Variants in BCOR observed in about 807,000 individuals in gnomAD.
BCOR encodes BCL-6 corepressor.
In BCOR, 10 loss-of-function variants were observed where a neutral mutation model predicts 86.7. The ratio of observed to expected loss-of-function variants is 0.12; its 90% CI spans 0.07 to 0.20. BCOR has a LOEUF of 0.20. Ranked by LOEUF, BCOR falls within the 10% of genes least tolerant of loss-of-function variation. BCOR has a pLI of 1.00. For synonymous variants in BCOR, 611 were observed against 609.0 expected (o/e 1.00, Z -0.05); for missense variants, 1,259 against 1,452.1 (o/e 0.87, Z 2.16).
At position 40,053,823 on chromosome X, in the gene BCOR, T is replaced by C. The variant is rs761654544; in HGVS notation, c.4976+63A>G. 8.1e-5 allele frequency: 95 copies of C among 1,179,245 alleles called. 1 individual carries two copies. In the African/African-American group the frequency reaches 1.6e-3, roughly 20 times the overall value. ...CACCCTCATCTGCTCAAAGCGCATT[T>C]CTAACTCCTGTCACCTCAAGAGCAG... is the stretch of plus-strand genomic sequence containing the variant. On this transcript the variant is annotated intron_variant, in intron 14 of 14. Coordinates refer to ENST00000378444, the MANE Select transcript of BCOR (RefSeq NM_001123385.2).
chrX:40,064,069 G>T, intron 7 of BCOR, 117 bp from the exon 8 acceptor site: 2 of 652,046 alleles, frequency 3.1e-6, no homozygotes, highest in Admixed American at 6.9e-5. Context: ...CTGCTTTTGG[G>T]AAGGGGCCTA....
chrX:40,158,309 G>A (rs1419337803), intron 1 of BCOR, among the ~76,000 whole-genome samples: 2 of 112,137 alleles, frequency 1.8e-5, no homozygotes, highest in African/African-American at 6.4e-5. Context: ...TCCCCCGGAC[G>A]CGGGCGGCTG....
intron 6 of BCOR, among the ~76,000 whole-genome samples, chrX:40,069,148 G>A (rs1432207464): frequency 1.8e-5 from 2 of 112,769 alleles, no homozygotes; most frequent in Non-Finnish European, 3.7e-5. Flanking sequence ...TGAGATGGCA[G>A]TGGCAGCAGC....
rs764515388 is a variant in BCOR, at chrX:40,055,467, G to C, written c.4642C>G (p.Leu1548Val). 2 of 1,211,610 alleles carry C rather than the reference G, an allele frequency of 1.7e-6. No homozygotes were observed. Among genetic ancestry groups the C allele is most frequent in the African/African-American group, 3.5e-5 (2 of 57,848 alleles). Residue 1548 changes from leucine to valine, a missense_variant, in exon 12 of 15, where the codon CTA (leucine) becomes GTA (valine). By Grantham distance (32) the Leu-to-Val change is conservative. This residue lies in a region of BCOR where 47 missense variants were observed against 102.1 expected (regional missense o/e 0.46). Transcript: ENST00000378444. Reference sequence around the variant, plus strand: ...GGGTCAGCACCATAAGAGAGAAGTAGTCGGACAATTTCCAAGTGATCGTTC... The same window carrying C: ...GGGTCAGCACCATAAGAGAGAAGTACTCGGACAATTTCCAAGTGATCGTTC... ...VENDHLEIVRLLLSYGADPTL... is the reference protein window; with the variant it reads ...VENDHLEIVRVLLSYGADPTL...
intron 1 of BCOR, chrX:40,146,767 A>C (rs1319035270): frequency 9.0e-6 from 1 of 110,701 alleles, no homozygotes; most frequent in African/African-American, 3.3e-5. Flanking sequence ...CGGCGCGATC[A>C]CTCTCACCCA....
At chrX:40,172,573 G>A (rs1251028814) in intron 1 of BCOR, among the ~76,000 whole-genome samples, 1 of 113,125 alleles carries the variant, frequency 8.8e-6, no homozygotes, top group African/African-American at 3.2e-5. Context: ...GTCTGCGCGC[G>A]CGCCCTGGCC....
intron 1 of BCOR, among the ~76,000 whole-genome samples, chrX:40,173,684 G>A (rs1450603409): frequency 8.9e-6 from 1 of 112,475 alleles, no homozygotes; most frequent in Non-Finnish European, 1.9e-5. Context: ...AGTTCCGTCA[G>A]GGCTCAGGCA....
At chrX:40,118,385 C>T (rs1009986851) in intron 1 of BCOR, among the ~76,000 whole-genome samples, 1 of 111,234 alleles carries the variant, frequency 9.0e-6, no homozygotes, top group Non-Finnish European at 1.9e-5. Flanking sequence ...GCCTCAGCCT[C>T]CTGAGTAGCT....
intron 1 of BCOR, among the ~76,000 whole-genome samples, chrX:40,104,849 G>A (rs1212385446): frequency 8.9e-6 from 1 of 112,256 alleles, no homozygotes; most frequent in East Asian, 2.9e-4. Flanking sequence ...CTCACGTAAG[G>A]CCCACACGCG....
At chrX:40,081,413 A>T (rs1936103551) in intron 1 of BCOR, among the ~76,000 whole-genome samples, 1 of 112,355 alleles carries the variant, frequency 8.9e-6, no homozygotes, top group Non-Finnish European at 1.9e-5. Flanking sequence ...AACTTCTAGA[A>T]GCTGCTGTTG....
At position 40,073,071 on chromosome X, in the gene BCOR, T is replaced by G. The variant is rs1280318711; in HGVS notation, c.2275A>C (p.Thr759Pro). 1 of 1,211,514 alleles carries G rather than the reference T, an allele frequency of 8.3e-7. No homozygotes were observed. The highest frequency in any genetic ancestry group is 2.2e-5 in the Admixed American group (1 of 46,030). Residue 759 changes from threonine (T) to proline (P), a missense_variant, in exon 4 of 15, where the codon ACC becomes CCC. Thr to Pro is a conservative substitution (Grantham distance 38). Transcript: ENST00000378444. ...ATCTCGGAAAACCGATTCCGGAGGG[T>G]TGGGTCCTCGTAACGGGCTCTCTCA... Reference protein sequence around the residue: ...SHERARYEDPTLRNRFSEILE... With the variant: ...SHERARYEDPPLRNRFSEILE...
upstream of BCOR, among the ~76,000 whole-genome samples, chrX:40,099,011 G>A (rs1937015526): frequency 8.8e-6 from 1 of 113,039 alleles, no homozygotes; most frequent in South Asian, 3.6e-4. Context: ...CCTCGCCCCG[G>A]CGTTGGGAGA....
At chrX:40,154,236 C>T (rs1468577225) in intron 1 of BCOR, among the ~76,000 whole-genome samples, 1 of 110,772 alleles carries the variant, frequency 9.0e-6, no homozygotes, top group Admixed American at 9.4e-5. Flanking sequence ...CTGGCCTGCC[C>T]GCCCCTCCCC....
In BCOR at chrX:40,071,097, G is replaced by C; in HGVS notation, c.3114C>G (p.Thr1038=). Residue 1038 remains threonine, a synonymous_variant, in exon 6 of 15, where the codon ACC becomes ACG. Transcript: ENST00000378444. ...TGAATTTGCACATCTCGGAGTCTTTGGTTGCTGGGTGGCCACCTTCTCTTT... is the reference window on the plus strand; with the variant it reads ...TGAATTTGCACATCTCGGAGTCTTTCGTTGCTGGGTGGCCACCTTCTCTTT... ...MKEREGGHPA[T]KDSEMCKFSP... The C allele has an allele frequency of 8.3e-7, 1 of 1,210,418 alleles. No homozygotes were observed. The highest frequency in any genetic ancestry group is 1.1e-6 in the Non-Finnish European group (1 of 894,942).
At chrX:40,082,239 C>A in intron 1 of BCOR, among the ~76,000 whole-genome samples, 1 of 107,004 alleles carries the variant, frequency 9.3e-6, no homozygotes, top group South Asian at 4.2e-4. Context: ...CCACCCCCAA[C>A]CCTGGCCCCC....
chrX:40,077,706 TA>T, intron 2 of BCOR, 137 bp downstream of exon 2: 1 of 542,889 alleles, frequency 1.8e-6, no homozygotes, highest in Non-Finnish European at 3.1e-6. Flanking sequence ...GTTAAAACTG[TA>T]AATCAAGAGC....
At chrX:40,105,193 G>A (rs1205458541) in intron 1 of BCOR, among the ~76,000 whole-genome samples, 3 of 110,893 alleles carry the variant, frequency 2.7e-5, no homozygotes, top group East Asian at 5.8e-4. Flanking sequence ...CCTCCCCGTG[G>A]GGGCTGGGCC....
chrX:40,078,811 C>G lies in BCOR; in HGVS notation c.-40-842G>C, dbSNP rs999098218. ...GGGAGGTTGCCAAGGCAGAGGAGCT[C>G]AGACCACCACCCACCCCCCTTTACC... On this transcript the variant is annotated intron_variant, in intron 1 of 14. Transcript: ENST00000378444. Among the ~76,000 whole-genome samples, 9 of 111,444 alleles carry G rather than the reference C, an allele frequency of 8.1e-5. No individual in the cohort carries two copies. The Admixed American group carries it at 8.5e-4, about 11-fold the overall frequency.
At chrX:40,142,623 T>A (rs1937946485) in intron 1 of BCOR, among the ~76,000 whole-genome samples, 1 of 111,638 alleles carries the variant, frequency 9.0e-6, no homozygotes, top group Non-Finnish European at 1.9e-5. Context: ...GAGCAATAAC[T>A]CCGATGCCAC....
Sources: gnomAD v4.1 joint callset for allele counts (sites outside exome capture counted in the v4.1 genomes callset) on GRCh38, gnomAD v4.1.1 for gene constraint, gnomAD v4.1.1 regional missense constraint, MANE v1.5 for transcripts, NCBI Gene and HGNC (gene_info 2026-07-23, HGNC 2026-07-21) for gene names.